The following CHAF1A variants were observed in gnomAD, a reference collection of about 807,000 sequenced individuals.
CHAF1A encodes the protein chromatin assembly factor 1 subunit A.
A neutral mutation model predicts 93.2 loss-of-function variants in CHAF1A; 5 were observed. The observed-to-expected ratio is 0.05, with a 90% CI of 0.03 to 0.11. CHAF1A has a LOEUF of 0.11. Among genes scored for constraint, CHAF1A ranks in the 10% least tolerant of loss-of-function variants. The pLI, the probability that CHAF1A is intolerant of heterozygous loss-of-function variation, is 1.00. For missense variants in CHAF1A, 1,102 were observed against 1,259.9 expected (o/e 0.87, Z 1.90); for synonymous variants, 504 against 510.3 (o/e 0.99, Z 0.17).
chr19:4,428,451 G>T (rs186247851), intron 7 of CHAF1A, among the ~76,000 whole-genome samples: 2 of 152,260 alleles, frequency 1.3e-5, no homozygotes, highest in Admixed American at 6.5e-5. Context: ...CTTGTAGTCT[G>T]TCCCCCCACC....
downstream of CHAF1A, chr19:4,445,318 A>C: frequency 9.4e-7 from 1 of 1,063,630 alleles, no homozygotes; most frequent in East Asian, 2.5e-5. Context: ...CACAGCCCCC[A>C]AGGGATGGGG....
intron 13 of CHAF1A, among the ~76,000 whole-genome samples, chr19:4,435,134 G>A (rs1425688024): frequency 4.9e-5 from 6 of 121,612 alleles, no homozygotes; most frequent in East Asian, 2.5e-4. Flanking sequence ...GCTGTTGCCC[G>A]GGCTGGAGTG....
intron 2 of CHAF1A, among the ~76,000 whole-genome samples, chr19:4,406,429 T>C (rs2145061104): frequency 1.4e-5 from 2 of 146,576 alleles, no homozygotes; most frequent in South Asian, 2.2e-4. Flanking sequence ...GCGGTTGGAT[T>C]GTAATTTTTT....
chr19:4,420,575 T>C (rs1322334379), intron 4 of CHAF1A, among the ~76,000 whole-genome samples: 1 of 152,172 alleles, frequency 6.6e-6, no homozygotes, highest in East Asian at 1.9e-4. Context: ...GATTACGTAA[T>C]GACTGAGTGT....
chr19:4,415,839 T>C (rs1320083942), intron 3 of CHAF1A, among the ~76,000 whole-genome samples: 1 of 152,156 alleles, frequency 6.6e-6, no homozygotes, highest in African/African-American at 2.4e-5. Context: ...GCTTTTATTC[T>C]GTGAGAGGTC....
downstream of CHAF1A, chr19:4,446,172 C>T (rs754423009): frequency 1.9e-6 from 3 of 1,608,974 alleles, no homozygotes; most frequent in South Asian, 3.3e-5. Flanking sequence ...ACACCGCCCC[C>T]AGCCGCTCCC....
chr19:4,419,845 G>A (rs1033048002), intron 4 of CHAF1A, among the ~76,000 whole-genome samples: 2 of 152,142 alleles, frequency 1.3e-5, no homozygotes, highest in Non-Finnish European at 2.9e-5. Flanking sequence ...ATCCAACGGC[G>A]GCTGAAGAAA....
downstream of CHAF1A, chr19:4,446,989 TC>T: frequency 6.7e-7 from 1 of 1,496,754 alleles, no homozygotes; most frequent in Non-Finnish European, 9.2e-7. Flanking sequence ...CCCCACCCAG[TC>T]CAGGGGCCCG....
intron 1 of CHAF1A, among the ~76,000 whole-genome samples, chr19:4,403,022 ATTGT>A (rs1179758124): frequency 1.3e-5 from 2 of 152,074 alleles, no homozygotes; most frequent in Admixed American, 6.5e-5. Flanking sequence ...CCGCGACCAT[ATTGT>A]TTGTTTCCGG....
At chr19:4,446,316 G>A (rs748332018), downstream of CHAF1A, 7 of 1,572,980 alleles carry the variant, frequency 4.5e-6, no homozygotes, top group South Asian at 3.4e-5. Context: ...AGGCGCACGC[G>A]CAGCAGCGTG....
rs755122309 is a variant in CHAF1A, at chr19:4,442,293, G to C, written c.2722G>C (p.Glu908Gln). 6.2e-7 allele frequency: 1 copy of C among 1,613,236 alleles called. No individual in the cohort carries two copies. Among genetic ancestry groups the C allele is most frequent in the Non-Finnish European group, 8.5e-7 (1 of 1,179,600 alleles). ...DGFQADTEEEEEEEGDCMIVD... is the reference protein window; with the variant it reads ...DGFQADTEEEQEEEGDCMIVD... ...CTTCCAGGCAGACACGGAGGAGGAG[G>C]AAGAGGAGGAGGGCGACTGTATGAT... Residue 908 changes from glutamate (E) to glutamine (Q), a missense_variant, in exon 14 of 15, where the codon GAA becomes CAA. Physicochemically the swap from Glu to Gln is conservative, Grantham distance 29 (BLOSUM62 2). Transcript: ENST00000301280.
chr19:4,447,794 C>T (rs1437580228), downstream of CHAF1A: 5 of 659,532 alleles, frequency 7.6e-6, no homozygotes, highest in South Asian at 3.4e-5. Context: ...GGAAGGCACA[C>T]CTCGGACACC....
At chr19:4,446,999 C>G, downstream of CHAF1A, 1 of 1,389,618 alleles carries the variant, frequency 7.2e-7, no homozygotes, top group Admixed American at 1.9e-5. Flanking sequence ...TCCAGGGGCC[C>G]GGCTCTCGCT....
intron 3 of CHAF1A, among the ~76,000 whole-genome samples, chr19:4,412,858 C>G (rs1407564250): frequency 4.6e-5 from 7 of 152,134 alleles, no homozygotes; most frequent in African/African-American, 1.7e-4. Context: ...TGGCAGAAAG[C>G]GGCCACAACC....
At chr19:4,442,494 C>T (rs1268273136) in intron 14 of CHAF1A, among the ~76,000 whole-genome samples, 153 bp downstream of exon 14, 2 of 152,190 alleles carry the variant, frequency 1.3e-5, no homozygotes, top group Non-Finnish European at 2.9e-5. Context: ...GCCACATCCT[C>T]GGGCGGGCTG....
intron 7 of CHAF1A, among the ~76,000 whole-genome samples, chr19:4,426,723 C>T (rs1237665368): frequency 1.3e-5 from 2 of 152,156 alleles, no homozygotes; most frequent in Non-Finnish European, 2.9e-5. Context: ...ATCCGCCTAC[C>T]TCGGCCTCCC....
At position 4,433,308 on chromosome 19, in the gene CHAF1A, C is replaced by T. The variant is rs375602649; in HGVS notation, c.2442C>T (p.Phe814=). The T allele has an allele frequency of 6.2e-7, 1 of 1,614,198 alleles. No individual in the cohort carries two copies. Residue 814 remains phenylalanine, a synonymous_variant, in exon 13 of 15, where the codon TTC becomes TTT. Coordinates refer to ENST00000301280, the MANE Select transcript of CHAF1A (RefSeq NM_005483.3). This position sits in a 1 kb window ranked among gnomAD's most constrained non-coding sequence, Gnocchi z 5.6. ...ENSVYEKRPD[F]RMCWYVHPQV... ...CAGTGTATGAGAAGCGGCCTGACTT[C>T]AGGATGTGCTGGTACGTGCACCCGC...
chr19:4,429,387 G>C, intron 8 of CHAF1A, 51 bp from the exon 9 acceptor site: 1 of 1,585,584 alleles, frequency 6.3e-7, no homozygotes, highest in Non-Finnish European at 8.6e-7. Flanking sequence ...GGAGGTTTGT[G>C]AGCAGGTCTG....
downstream of CHAF1A, chr19:4,446,103 C>T (rs753672836): frequency 1.7e-5 from 28 of 1,612,652 alleles, no homozygotes; most frequent in African/African-American, 1.1e-4. Flanking sequence ...TCTGCCCTCC[C>T]GAGGCCAGCA....
Sources: allele counts gnomAD v4.1 joint callset (sites outside exome capture counted in the v4.1 genomes callset), GRCh38; gene constraint gnomAD v4.1.1; non-coding constraint Gnocchi (gnomAD v3.1); transcripts MANE v1.5; gene names NCBI Gene and HGNC (gene_info 2026-07-23, HGNC 2026-07-21).